LYRM7: variants seen among roughly 807,000 people sequenced by gnomAD.
LYRM7 encodes complex III assembly factor LYRM7.
In LYRM7, 9 loss-of-function variants were observed where a neutral mutation model predicts 15.8. That is an observed-to-expected ratio of 0.57 (90% CI 0.34 to 0.99). The LOEUF (loss-of-function observed/expected upper bound fraction) is 0.99, where lower values mean the gene tolerates loss of function less well. Ranked by LOEUF, LYRM7 falls within the 50% of genes least tolerant of loss-of-function variation. The pLI, the probability that LYRM7 is intolerant of heterozygous loss-of-function variation, is 0.02. For missense variants in LYRM7, 115 were observed against 119.1 expected (o/e 0.97, Z 0.16); for synonymous variants, 39 against 39.4 (o/e 0.99, Z 0.04).
At chr5:131,198,197 C>G (rs909635517) in intron 4 of LYRM7, among the ~76,000 whole-genome samples, 2 of 152,056 alleles carry the variant, frequency 1.3e-5, no homozygotes, top group Non-Finnish European at 2.9e-5. Context: ...CCTAAATATA[C>G]AAGGACATTC....
intron 1 of LYRM7, among the ~76,000 whole-genome samples, chr5:131,179,590 G>A (rs533541594): frequency 3.4e-5 from 5 of 147,796 alleles, no homozygotes; most frequent in East Asian, 2.0e-4. Flanking sequence ...CACTTCAGCC[G>A]CCCAAGTAGC....
intron 4 of LYRM7, among the ~76,000 whole-genome samples, chr5:131,192,029 GCATACACACA>G (rs1182973224): frequency 1.3e-4 from 14 of 110,528 alleles, no homozygotes; most frequent in Non-Finnish European, 2.2e-4. Context: ...AAAATGTGGT[GCATACACACA>G]CACACACACA....
At chr5:131,188,261 A>AAT (rs1212796177) in intron 4 of LYRM7, among the ~76,000 whole-genome samples, 1 of 152,040 alleles carries the variant, frequency 6.6e-6, no homozygotes, top group Non-Finnish European at 1.5e-5. Flanking sequence ...TGCCTCAAAA[A>AAT]ATATATATAT....
chr5:131,181,406 CATATATATGTTTATATATATATA>C (rs1561544458), intron 2 of LYRM7, among the ~76,000 whole-genome samples: 30 of 82,072 alleles, frequency 3.7e-4, no homozygotes, highest in African/African-American at 1.6e-3. Flanking sequence ...ATTATATATA[CATATATATGTTTATATATATATA>C]ACATATATAT....
intron 1 of LYRM7, among the ~76,000 whole-genome samples, chr5:131,174,747 G>C (rs919816495): frequency 1.1e-4 from 16 of 152,144 alleles, no homozygotes; most frequent in African/African-American, 3.9e-4. Context: ...TGGAGGCTGA[G>C]GTGGGAGGAT....
intron 4 of LYRM7, among the ~76,000 whole-genome samples, chr5:131,190,340 C>T (rs1205536326): frequency 2.6e-5 from 4 of 151,164 alleles, no homozygotes; most frequent in Admixed American, 6.6e-5. Context: ...ATATTACAAG[C>T]GTGTACCGCC....
At chr5:131,189,579 C>T (rs58703718) in intron 4 of LYRM7, among the ~76,000 whole-genome samples, 38 of 151,346 alleles carry the variant, frequency 2.5e-4, no homozygotes, top group African/African-American at 9.0e-4. Context: ...TGTGACTATC[C>T]AGTTGATCCA....
intron 1 of LYRM7, among the ~76,000 whole-genome samples, chr5:131,175,828 G>C (rs930934362): frequency 4.0e-5 from 6 of 151,860 alleles, no homozygotes; most frequent in African/African-American, 1.5e-4. Context: ...GCACCATCTC[G>C]GCTCACTGCA....
At chr5:131,194,690 G>A (rs1329908686) in intron 4 of LYRM7, among the ~76,000 whole-genome samples, 1 of 152,178 alleles carries the variant, frequency 6.6e-6, no homozygotes, top group East Asian at 1.9e-4. Context: ...GGCAACATCC[G>A]AAGTGTAGCA....
intron 4 of LYRM7, among the ~76,000 whole-genome samples, chr5:131,188,529 T>C (rs1399878829): frequency 6.6e-6 from 1 of 152,140 alleles, no homozygotes; most frequent in Non-Finnish European, 1.5e-5. Flanking sequence ...AGTTGTTTAG[T>C]GGACATTTGG....
At chr5:131,181,397 T>TGTATATATTA (rs200207805) in intron 2 of LYRM7, among the ~76,000 whole-genome samples, 1 of 99,386 alleles carries the variant, frequency 1.0e-5, no homozygotes, top group Non-Finnish European at 1.7e-5. Flanking sequence ...TACATATATA[T>TGTATATATTA]TATATATACA....
intron 4 of LYRM7, among the ~76,000 whole-genome samples, chr5:131,197,111 C>T (rs897246566): frequency 6.6e-6 from 1 of 152,106 alleles, no homozygotes; most frequent in African/African-American, 2.4e-5. Flanking sequence ...AGTCTTGTTC[C>T]ACTTTTGTAA....
intron 4 of LYRM7, among the ~76,000 whole-genome samples, chr5:131,196,686 G>A (rs1253035250): frequency 3.3e-5 from 5 of 149,564 alleles, no homozygotes; most frequent in East Asian, 2.0e-4. Flanking sequence ...TTTTTTTTCC[G>A]AGATGGAGTC....
chr5:131,200,447 G>A lies in LYRM7; in HGVS notation c.*846G>A, dbSNP rs1449331674. 1 of 152,296 alleles carries A rather than the reference G, an allele frequency of 6.6e-6. No individual in the cohort carries two copies. Among genetic ancestry groups the A allele is most frequent in the Admixed American group, 6.5e-5 (1 of 15,274 alleles). The allele number at this position is 152,296 out of a possible 1,614,324, so 9.4% of individuals were successfully genotyped here. A position where few individuals can be genotyped will look rare whatever the true frequency, so the allele number is the denominator to read the frequency against. On this transcript the variant is annotated 3_prime_UTR_variant, in exon 5 of 5. Transcript: ENST00000379380. Reference sequence around the variant, plus strand: ...TGACAAGATGGGCAGTATCACAAAAGGTCCTGGCATTCTACCATCTAACAC... The same window carrying A: ...TGACAAGATGGGCAGTATCACAAAAAGTCCTGGCATTCTACCATCTAACAC...
At chr5:131,189,779 G>A (rs1293727379) in intron 4 of LYRM7, among the ~76,000 whole-genome samples, 1 of 152,028 alleles carries the variant, frequency 6.6e-6, no homozygotes, top group Non-Finnish European at 1.5e-5. Context: ...TTCCTACCTG[G>A]TAGTATAAGT....
chr5:131,187,715 A>G (rs1190722419), intron 4 of LYRM7, among the ~76,000 whole-genome samples: 1 of 151,876 alleles, frequency 6.6e-6, no homozygotes, highest in Non-Finnish European at 1.5e-5. Flanking sequence ...CAAACTCCTG[A>G]CCTCAGGTGA....
intron 4 of LYRM7, among the ~76,000 whole-genome samples, chr5:131,190,871 A>G (rs1211223067): frequency 6.6e-6 from 1 of 152,184 alleles, no homozygotes; most frequent in Non-Finnish European, 1.5e-5. Flanking sequence ...TTATCTTAAT[A>G]ATGATCTTTA....
intron 1 of LYRM7, 134 bp from the exon 2 acceptor site, chr5:131,179,961 A>T (rs774692772): frequency 5.0e-6 from 3 of 597,298 alleles, no homozygotes; most frequent in Non-Finnish European, 8.8e-6. Flanking sequence ...TTTTGTAGAG[A>T]TGGGGGTCTC....
rs1344369995 is a variant in LYRM7, at chr5:131,200,689, C to T, written c.*1088C>T. ...ACCTAGAGAAAAATGAAAGTCGTTT[C>T]AAATTTGAAATTTGCCCTTTTAAGA... On this transcript the variant is annotated 3_prime_UTR_variant, in exon 5 of 5. Transcript: ENST00000379380. 6.6e-6 allele frequency: 1 copy of T among 152,230 alleles called. No individual in the cohort carries two copies. Among genetic ancestry groups the T allele is most frequent in the Non-Finnish European group, 1.5e-5 (1 of 68,018 alleles). 9.4% of individuals were successfully genotyped at this position (152,230 alleles called of 1,614,324 possible).
Sources: gnomAD v4.1 joint callset for allele counts (sites outside exome capture counted in the v4.1 genomes callset) on GRCh38, gnomAD v4.1.1 for gene constraint, MANE v1.5 for transcripts, NCBI Gene and HGNC (gene_info 2026-07-23, HGNC 2026-07-21) for gene names.